The following RNF128 variants were observed in gnomAD, a reference collection of about 807,000 sequenced individuals.
RNF128 encodes the protein E3 ubiquitin-protein ligase RNF128.
A neutral mutation model predicts 26.2 loss-of-function variants in RNF128; 13 were observed. The observed-to-expected ratio is 0.50, with a 90% CI of 0.32 to 0.79. The LOEUF is 0.79. Ranked by LOEUF, RNF128 falls within the 30% of genes least tolerant of loss-of-function variation. The probability of loss-of-function intolerance (pLI) is 0.03; values close to 1 mark genes in which losing one functional copy is unlikely to be tolerated. For missense variants in RNF128, 315 were observed against 349.7 expected (o/e 0.90, Z 0.79); for synonymous variants, 149 against 142.5 (o/e 1.05, Z -0.32).
intron 5 of RNF128, 66 bp downstream of exon 5, chrX:106,790,348 A>G: frequency 1.3e-6 from 1 of 777,485 alleles, no homozygotes; most frequent in Non-Finnish European, 2.0e-6. Context: ...TAACAAAATA[A>G]CATCCTTATT....
intron 1 of RNF128, among the ~76,000 whole-genome samples, chrX:106,758,239 C>A (rs757403303): frequency 5.4e-5 from 6 of 111,102 alleles, no homozygotes; most frequent in Non-Finnish European, 1.1e-4. Context: ...GAGAGCTCTA[C>A]AATGAAAACT....
chrX:106,786,814 A>AAT (rs1569445056), intron 3 of RNF128, among the ~76,000 whole-genome samples: 1 of 111,395 alleles, frequency 9.0e-6, no homozygotes, highest in Non-Finnish European at 1.9e-5. Flanking sequence ...TCACCAAAAA[A>AAT]ATATATATAT....
At chrX:106,787,127 C>T (rs896255283) in intron 3 of RNF128, among the ~76,000 whole-genome samples, 8 of 111,176 alleles carry the variant, frequency 7.2e-5, no homozygotes, top group Non-Finnish European at 1.1e-4. Flanking sequence ...AAAAAATCTA[C>T]GTTCACATAA....
intron 4 of RNF128, among the ~76,000 whole-genome samples, chrX:106,789,104 C>G (rs1460445750): frequency 6.1e-5 from 5 of 81,570 alleles, no homozygotes; most frequent in East Asian, 3.6e-4. Context: ...TATATATATA[C>G]TATATACTAT....
At chrX:106,712,643 C>A (rs1385870197) in intron 1 of RNF128, among the ~76,000 whole-genome samples, 3 of 110,997 alleles carry the variant, frequency 2.7e-5, no homozygotes, top group Admixed American at 1.9e-4. Context: ...CTATTTTTCC[C>A]ATCATAGTAT....
chrX:106,760,137 C>T (rs1169323684), intron 1 of RNF128, among the ~76,000 whole-genome samples: 1 of 110,986 alleles, frequency 9.0e-6, no homozygotes, highest in Non-Finnish European at 1.9e-5. Context: ...ATTACTTTTT[C>T]GAGTGTTCAT....
intron 1 of RNF128, among the ~76,000 whole-genome samples, chrX:106,713,896 C>A (rs1036789221): frequency 9.0e-6 from 1 of 111,554 alleles, no homozygotes; most frequent in African/African-American, 3.3e-5. Context: ...TATAGCAAGG[C>A]CGGGCGCGGT....
At chrX:106,749,497 G>A (rs1929844535) in intron 1 of RNF128, among the ~76,000 whole-genome samples, 1 of 112,122 alleles carries the variant, frequency 8.9e-6, no homozygotes, top group Admixed American at 9.5e-5. Context: ...GTTCCACAAA[G>A]GAAGTTTGAT....
At chrX:106,727,762 C>G (rs1336722475) in intron 1 of RNF128, among the ~76,000 whole-genome samples, 1 of 111,316 alleles carries the variant, frequency 9.0e-6, no homozygotes, top group African/African-American at 3.3e-5. Flanking sequence ...ACCTGGAAAT[C>G]TCTTCCTCAC....
intron 1 of RNF128, among the ~76,000 whole-genome samples, chrX:106,744,078 G>A (rs1264881101): frequency 2.8e-5 from 3 of 107,914 alleles, no homozygotes; most frequent in African/African-American, 1.0e-4. Flanking sequence ...ACAGGAAGGG[G>A]GACATCACAC....
intron 1 of RNF128, among the ~76,000 whole-genome samples, chrX:106,714,073 G>C (rs1444929426): frequency 9.2e-6 from 1 of 108,910 alleles, no homozygotes; most frequent in East Asian, 2.9e-4. Flanking sequence ...AGCTACTGGG[G>C]AGGCTGAGGC....
chrX:106,698,062 A>G (rs2147656172), intron 1 of RNF128, among the ~76,000 whole-genome samples: 1 of 106,871 alleles, frequency 9.4e-6, no homozygotes, highest in South Asian at 4.3e-4. Context: ...GTAACTTCCT[A>G]ACAATCTTTT....
At chrX:106,773,262 C>A in intron 2 of RNF128, 102 bp downstream of exon 2, 1 of 814,344 alleles carries the variant, frequency 1.2e-6, no homozygotes, top group Non-Finnish European at 1.7e-6. Context: ...AGACAATGAT[C>A]TCCCCATATG....
At chrX:106,784,463 G>A (rs1018135406) in intron 2 of RNF128, among the ~76,000 whole-genome samples, 3 of 111,605 alleles carry the variant, frequency 2.7e-5, no homozygotes, top group Non-Finnish European at 3.8e-5. Context: ...AATAAAAGGC[G>A]ACCACTCTCA....
intron 1 of RNF128, among the ~76,000 whole-genome samples, chrX:106,754,229 C>CT (rs983440221): frequency 9.2e-6 from 1 of 108,375 alleles, no homozygotes; most frequent in South Asian, 4.0e-4. Context: ...TTTCTTTTTT[C>CT]TTTTTTTTCA....
At chrX:106,720,045 C>T (rs1011180157) in intron 1 of RNF128, among the ~76,000 whole-genome samples, 3 of 111,182 alleles carry the variant, frequency 2.7e-5, no homozygotes, top group Non-Finnish European at 5.6e-5. Context: ...TTGGAATCTT[C>T]ACCTTACTGG....
intron 1 of RNF128, among the ~76,000 whole-genome samples, chrX:106,717,172 A>C (rs1328631848): frequency 9.2e-6 from 1 of 108,868 alleles, no homozygotes; most frequent in African/African-American, 3.3e-5. Flanking sequence ...CACTGCACTC[A>C]AGCCTGGGCG....
At chrX:106,694,622 T>C (rs1928846438) in intron 1 of RNF128, among the ~76,000 whole-genome samples, 1 of 111,806 alleles carries the variant, frequency 8.9e-6, no homozygotes, top group South Asian at 3.7e-4. Flanking sequence ...TGATTCCTAT[T>C]TTCTTTCATG....
chrX:106,749,407 G>A (rs1929842730), intron 1 of RNF128, among the ~76,000 whole-genome samples: 1 of 111,930 alleles, frequency 8.9e-6, no homozygotes, highest in Non-Finnish European at 1.9e-5. Context: ...GGGAAAAAGA[G>A]GCTCAACAAG....
Sources: allele counts gnomAD v4.1 joint callset (sites outside exome capture counted in the v4.1 genomes callset), GRCh38; gene constraint gnomAD v4.1.1; transcripts MANE v1.5; gene names NCBI Gene and HGNC (gene_info 2026-07-23, HGNC 2026-07-21).